Variants in LNPK observed in about 807,000 individuals in gnomAD.
LNPK encodes endoplasmic reticulum junction formation protein lunapark.
In LNPK, 29 loss-of-function variants were observed where a neutral mutation model predicts 55.2. That is an observed-to-expected ratio of 0.53 (90% confidence interval 0.39 to 0.72). The LOEUF is 0.72. Ranked by LOEUF, LNPK falls within the 30% of genes least tolerant of loss-of-function variation. The pLI, the probability that LNPK is intolerant of heterozygous loss-of-function variation, is 0.00. For synonymous variants in LNPK, 162 were observed against 168.2 expected (o/e 0.96, Z 0.29); for missense variants, 467 against 494.8 (o/e 0.94, Z 0.53).
At chr2:175,987,282 A>C (rs747802177) in intron 4 of LNPK, among the ~76,000 whole-genome samples, 21 of 152,238 alleles carry the variant, frequency 1.4e-4, no homozygotes, top group Non-Finnish European at 2.4e-4. Flanking sequence ...CCATTTGTCC[A>C]ACAATGATAG....
At chr2:175,992,703 G>A (rs571803138) in intron 3 of LNPK, among the ~76,000 whole-genome samples, 20 of 152,034 alleles carry the variant, frequency 1.3e-4, no homozygotes, top group Non-Finnish European at 2.6e-4. Context: ...AATTGGTATC[G>A]GCAATAATAT....
intron 4 of LNPK, among the ~76,000 whole-genome samples, chr2:175,983,929 A>C (rs1164991135): frequency 1.3e-5 from 2 of 151,924 alleles, no homozygotes; most frequent in Non-Finnish European, 2.9e-5. Context: ...TTATGAAATT[A>C]AATGTTAAAA....
chr2:176,002,464 T>G, upstream of LNPK: 1 of 302,086 alleles, frequency 3.3e-6, no homozygotes, highest in Non-Finnish European at 6.5e-6. Context: ...CGTGTCGCAG[T>G]TATGTACTGC....
At chr2:175,964,926 G>A (rs1460143266) in intron 6 of LNPK, among the ~76,000 whole-genome samples, 2 of 152,044 alleles carry the variant, frequency 1.3e-5, no homozygotes, top group Non-Finnish European at 2.9e-5. Context: ...CAAATGACAG[G>A]CAATTCCTCA....
At position 175,961,888 on chromosome 2, in the gene LNPK, A is replaced by G. The variant is rs534744890; in HGVS notation, c.493+2484T>C. 3.3e-5 allele frequency among the ~76,000 whole-genome samples: 5 copies of G among 152,334 alleles called. No homozygotes were observed. The South Asian group carries it at 1.0e-3, about 32-fold the overall frequency. On this transcript the variant is annotated intron_variant, in intron 8 of 12. Transcript: ENST00000272748. ...TACAAAATCAATGTGCAAAAATCACAAGCATTCTTATACACCATTAACAGA... is the reference window on the plus strand; with the variant it reads ...TACAAAATCAATGTGCAAAAATCACGAGCATTCTTATACACCATTAACAGA...
chr2:175,967,600 A>G (rs922010348), intron 6 of LNPK: 1 of 968,602 alleles, frequency 1.0e-6, no homozygotes, highest in Non-Finnish European at 1.2e-6. Flanking sequence ...TGCAATTCAG[A>G]GTATTAGGGA....
rs10674444 is a variant in LNPK, at chr2:175,995,804, C to CTTTTTTTTTTTTT, written c.-62-171_-62-159dup. Among the ~76,000 whole-genome samples the CTTTTTTTTTTTTT allele has an allele frequency of 2.3e-4, 15 of 66,424 alleles. 5 individuals carry two copies. Among genetic ancestry groups the CTTTTTTTTTTTTT allele is most frequent in the Non-Finnish European group, 2.3e-4 (9 of 38,336 alleles). 43.6% of individuals were successfully genotyped at this position (66,424 alleles called of 152,430 possible). A position where few individuals can be genotyped will look rare whatever the true frequency, so the allele number is the denominator to read the frequency against. Reference sequence around the variant, plus strand: ...AGACAGTTATTGGGATAGAGTCTACCTTTTTTTTTTTTTTTTTTTTTTTTT... The same window carrying CTTTTTTTTTTTTT: ...AGACAGTTATTGGGATAGAGTCTACCTTTTTTTTTTTTTTTTTTTTTTTTTTTTTTTTTTTTTT... On this transcript the variant is annotated intron_variant, in intron 1 of 12. Transcript: ENST00000272748.
intron 8 of LNPK, among the ~76,000 whole-genome samples, chr2:175,948,599 G>A (rs1276428261): frequency 6.6e-6 from 1 of 152,200 alleles, no homozygotes; most frequent in East Asian, 1.9e-4. Context: ...TCAGTGGTAA[G>A]ATTTCACATA....
At chr2:175,976,309 T>C (rs1181208978) in intron 5 of LNPK, among the ~76,000 whole-genome samples, 1 of 152,162 alleles carries the variant, frequency 6.6e-6, no homozygotes, top group Non-Finnish European at 1.5e-5. Context: ...ACTGTAGTAG[T>C]AAAGAAAGTG....
chr2:175,954,917 A>T (rs1380383081), intron 8 of LNPK, among the ~76,000 whole-genome samples: 1 of 152,204 alleles, frequency 6.6e-6, no homozygotes. Flanking sequence ...CAAACTCACT[A>T]AATATTCTAA....
At position 175,928,487 on chromosome 2, in the gene LNPK, A is replaced by T. The variant is rs1221355474; in HGVS notation, c.*1480T>A. 1 of 141,758 alleles carries T rather than the reference A, an allele frequency of 7.1e-6. No individual in the cohort carries two copies. Among genetic ancestry groups the T allele is most frequent in the African/African-American group, 2.6e-5 (1 of 37,788 alleles). 8.8% of individuals were successfully genotyped at this position (141,758 alleles called of 1,614,324 possible). On this transcript the variant is annotated 3_prime_UTR_variant, in exon 13 of 13. Transcript: ENST00000272748. ...CTCTGGTTACTATACCGGATGTCCC[A>T]GACTGTTAACAGATTGAGTTCCAAA...
At chr2:175,984,761 G>C (rs1361659551) in intron 4 of LNPK, among the ~76,000 whole-genome samples, 1 of 152,106 alleles carries the variant, frequency 6.6e-6, no homozygotes, top group East Asian at 1.9e-4. Context: ...CACCTACCTA[G>C]TGGAAATGTA....
At chr2:175,997,693 A>AAAAC (rs1427705096) in intron 1 of LNPK, among the ~76,000 whole-genome samples, 2 of 112,514 alleles carry the variant, frequency 1.8e-5, no homozygotes, top group African/African-American at 6.4e-5. Context: ...TAGCGGCCCT[A>AAAAC]AAACAAATGC....
At chr2:175,990,202 G>C (rs1687638614) in intron 4 of LNPK, among the ~76,000 whole-genome samples, 1 of 152,318 alleles carries the variant, frequency 6.6e-6, no homozygotes, top group Middle Eastern at 3.4e-3. Flanking sequence ...AATGGGAGTT[G>C]TTTGGGTCAT....
At position 175,999,786 on chromosome 2, in the gene LNPK, G is replaced by C. The variant is rs1384302208; in HGVS notation, c.-63+2374C>G. Among the ~76,000 whole-genome samples, 4 of 152,148 alleles carry C rather than the reference G, an allele frequency of 2.6e-5. No individual in the cohort carries two copies. In the East Asian group the frequency reaches 7.7e-4, roughly 29 times the overall value. On this transcript the variant is annotated intron_variant, in intron 1 of 12. Coordinates refer to ENST00000272748, the MANE Select transcript of LNPK (RefSeq NM_030650.3). ...GTGTGTTTTTCTTTTTGTTGAGACT[G>C]AGTCTCACTCAGTCTGTTGCCCAGG...
intron 8 of LNPK, among the ~76,000 whole-genome samples, chr2:175,960,626 AC>A (rs900586232): frequency 6.7e-4 from 102 of 152,344 alleles, no homozygotes; most frequent in Middle Eastern, 3.4e-3. Flanking sequence ...TAAAATCGAC[AC>A]GCTAACAACA....
chr2:176,001,400 T>C (rs888861852), intron 1 of LNPK, among the ~76,000 whole-genome samples: 3 of 152,140 alleles, frequency 2.0e-5, no homozygotes, highest in Non-Finnish European at 4.4e-5. Flanking sequence ...TCACGGGTCT[T>C]GCTTAGTACT....
At chr2:175,998,737 C>T (rs1343279219) in intron 1 of LNPK, among the ~76,000 whole-genome samples, 3 of 152,056 alleles carry the variant, frequency 2.0e-5, no homozygotes, top group Non-Finnish European at 4.4e-5. Context: ...TATTTGATTA[C>T]ATTTGAGTGT....
At chr2:175,932,055 A>T in intron 12 of LNPK, 1 of 394,188 alleles carries the variant, frequency 2.5e-6, no homozygotes, top group Admixed American at 3.2e-5. Flanking sequence ...GAAATGAAAA[A>T]ACAAAAAGCT....
Sources: gnomAD v4.1 joint callset for allele counts (sites outside exome capture counted in the v4.1 genomes callset) on GRCh38, gnomAD v4.1.1 for gene constraint, MANE v1.5 for transcripts, NCBI Gene and HGNC (gene_info 2026-07-23, HGNC 2026-07-21) for gene names.